Variants in STIM1 observed in about 807,000 individuals in gnomAD.
STIM1 encodes the protein stromal interaction molecule 1.
STIM1 carries 25 observed loss-of-function variants against 74.7 expected under a neutral mutation model. The ratio of observed to expected loss-of-function variants is 0.33; its 90% CI spans 0.24 to 0.47. The LOEUF is 0.47. STIM1 is among the 20% of genes least tolerant of loss of function. The pLI is 1.00. For missense variants in STIM1, 728 were observed against 920.8 expected (o/e 0.79, Z 2.71); for synonymous variants, 328 against 348.8 (o/e 0.94, Z 0.66).
chr11:3,869,014 G>T (rs568533329), intron 1 of STIM1, among the ~76,000 whole-genome samples: 2 of 151,812 alleles, frequency 1.3e-5, no homozygotes, highest in Non-Finnish European at 2.9e-5. Flanking sequence ...TGTCGCCCAG[G>T]CTGGAGTGCA....
chr11:4,024,137 G>A (rs1436459919), intron 3 of STIM1, 150 bp downstream of exon 3: 4 of 689,994 alleles, frequency 5.8e-6, no homozygotes, highest in Non-Finnish European at 7.8e-6. Context: ...AAAAAAGACT[G>A]AATATAGTCA....
At chr11:3,906,240 A>G (rs2092463819) in intron 1 of STIM1, among the ~76,000 whole-genome samples, 2 of 152,180 alleles carry the variant, frequency 1.3e-5, no homozygotes, top group African/African-American at 4.8e-5. Context: ...ATTTGAGTTG[A>G]ATAATTTTGA....
intron 3 of STIM1, among the ~76,000 whole-genome samples, chr11:4,049,147 A>G (rs1182127860): frequency 6.6e-6 from 1 of 152,216 alleles, no homozygotes; most frequent in Non-Finnish European, 1.5e-5. Flanking sequence ...GCAATTTGCC[A>G]TGTTGCAAAT....
In STIM1 at chr11:3,992,099, T is replaced by G. The variant is rs1276669060; in HGVS notation, c.270+24417T>G. The stretch of plus-strand genomic sequence containing the variant: ...AACATCTGTTTTTTTGTTTTTTTTT[T>G]TTTTTTTTTTTTAGTTTTTAATAAT... On this transcript the variant is annotated intron_variant, in intron 2 of 12. Transcript: ENST00000526596. Among the ~76,000 whole-genome samples, 50 of 137,536 alleles carry G rather than the reference T, an allele frequency of 3.6e-4. 1 individual carries two copies. The East Asian group carries it at 8.5e-3, about 23-fold the overall frequency. The allele number at this position is 137,536 out of a possible 152,430, so 90.2% of individuals were successfully genotyped here. A position where few individuals can be genotyped will look rare whatever the true frequency, so the allele number is the denominator to read the frequency against.
intron 1 of STIM1, among the ~76,000 whole-genome samples, chr11:3,913,012 T>C (rs2135487451): frequency 6.6e-6 from 1 of 152,334 alleles, no homozygotes. Flanking sequence ...GAAGCCTCAT[T>C]TTGAGTGAGA....
At chr11:3,991,763 C>T (rs1210185203) in intron 2 of STIM1, among the ~76,000 whole-genome samples, 1 of 151,010 alleles carries the variant, frequency 6.6e-6, no homozygotes, top group Non-Finnish European at 1.5e-5. Flanking sequence ...GCCTGACCAA[C>T]ATGGAGAAAC....
intron 1 of STIM1, among the ~76,000 whole-genome samples, chr11:3,882,328 A>C (rs1483270535): frequency 6.6e-6 from 1 of 151,384 alleles, no homozygotes; most frequent in Non-Finnish European, 1.5e-5. Flanking sequence ...TGAACTCCCG[A>C]CCTCAGGTGA....
At chr11:3,936,372 ACTAGGAGGGG>A (rs1229860227) in intron 1 of STIM1, among the ~76,000 whole-genome samples, 1 of 152,186 alleles carries the variant, frequency 6.6e-6, no homozygotes, top group African/African-American at 2.4e-5. Context: ...CAATCTAAGC[ACTAGGAGGGG>A]TGTTGGGGAG....
At chr11:3,971,783 T>G (rs2093398476) in intron 2 of STIM1, among the ~76,000 whole-genome samples, 1 of 152,232 alleles carries the variant, frequency 6.6e-6, no homozygotes, top group African/African-American at 2.4e-5. Context: ...AAAAGTACTA[T>G]GCCAAACATT....
intron 1 of STIM1, among the ~76,000 whole-genome samples, chr11:3,861,811 C>G (rs551982721): frequency 1.3e-5 from 2 of 152,140 alleles, no homozygotes; most frequent in Non-Finnish European, 2.9e-5. Context: ...ATGGGGCCTT[C>G]GTGTTAAGAA....
chr11:4,081,216 G>A (rs2094463857), intron 7 of STIM1, among the ~76,000 whole-genome samples: 1 of 152,194 alleles, frequency 6.6e-6, no homozygotes, highest in African/African-American at 2.4e-5. Flanking sequence ...GTTCAGGTAG[G>A]AGAATTGGAG....
intron 1 of STIM1, among the ~76,000 whole-genome samples, chr11:3,965,640 T>C (rs937984427): frequency 6.6e-6 from 1 of 152,206 alleles, no homozygotes; most frequent in African/African-American, 2.4e-5. Flanking sequence ...AGAACAAATG[T>C]AGAGAGAAAT....
chr11:3,861,190 C>T lies in STIM1; in HGVS notation c.139+4781C>T, dbSNP rs888984312. Among the ~76,000 whole-genome samples, 53 of 151,520 alleles carry T rather than the reference C, an allele frequency of 3.5e-4. 2 individuals carry two copies. The highest frequency in any genetic ancestry group is 2.0e-4 in the Admixed American group (3 of 15,184). On this transcript the variant is annotated intron_variant, in intron 1 of 12. Coordinates refer to ENST00000526596, the MANE Select transcript of STIM1 (RefSeq NM_001382567.1). ...TGGCTAGCTACCTCACATGAGCACC[C>T]ATAGGTAGGAAGATTGCAGTCATGT...
intron 2 of STIM1, among the ~76,000 whole-genome samples, chr11:4,018,478 A>C (rs1443968918): frequency 1.4e-5 from 2 of 147,662 alleles, no homozygotes; most frequent in African/African-American, 2.5e-5. Flanking sequence ...AAAAAAAAAA[A>C]AAAAAAAACA....
intron 2 of STIM1, among the ~76,000 whole-genome samples, chr11:3,998,308 A>G (rs2093680888): frequency 6.6e-6 from 1 of 152,232 alleles, no homozygotes; most frequent in Admixed American, 6.5e-5. Flanking sequence ...ATCAAACTCT[A>G]AAGTATCATG....
chr11:4,074,437 C>G, intron 6 of STIM1, 65 bp from the exon 7 acceptor site: 3 of 1,559,756 alleles, frequency 1.9e-6, no homozygotes, highest in East Asian at 2.2e-5. Context: ...GATGCCATGA[C>G]TCATGGCATG....
intron 12 of STIM1, chr11:4,086,828 C>A (rs1479864940): frequency 5.9e-6 from 9 of 1,535,828 alleles, no homozygotes; most frequent in Non-Finnish European, 7.9e-6. Flanking sequence ...TCTGACAGCA[C>A]CGCTGTGATG....
intron 5 of STIM1, among the ~76,000 whole-genome samples, chr11:4,062,576 C>T (rs189088759): frequency 4.6e-5 from 7 of 152,308 alleles, no homozygotes; most frequent in Admixed American, 2.6e-4. Flanking sequence ...GAGCCAAGAT[C>T]GTGCCACTGC....
At chr11:4,027,772 G>A (rs1004822932) in intron 3 of STIM1, among the ~76,000 whole-genome samples, 2 of 152,206 alleles carry the variant, frequency 1.3e-5, no homozygotes, top group Non-Finnish European at 2.9e-5. Flanking sequence ...GGGAGTGTGT[G>A]TGTAGGGTTT....
Sources: gnomAD v4.1 joint callset for allele counts (sites outside exome capture counted in the v4.1 genomes callset) on GRCh38, gnomAD v4.1.1 for gene constraint, MANE v1.5 for transcripts, NCBI Gene and HGNC (gene_info 2026-07-23, HGNC 2026-07-21) for gene names.